The following CAPN3 variants were observed in gnomAD, a reference collection of about 807,000 sequenced individuals.
CAPN3 encodes the protein calpain 3, also known as calpain-3.
In CAPN3, 88 loss-of-function variants were observed where a neutral mutation model predicts 114.0. The ratio of observed to expected loss-of-function variants is 0.77; its 90% CI spans 0.65 to 0.92. The LOEUF is 0.92. Ranked by LOEUF, CAPN3 falls within the 40% of genes least tolerant of loss-of-function variation. The probability of loss-of-function intolerance (pLI) is 0.00; values close to 1 mark genes in which losing one functional copy is unlikely to be tolerated. For synonymous variants in CAPN3, 386 were observed against 382.9 expected (o/e 1.01, Z -0.09); for missense variants, 1,028 against 1,069.0 (o/e 0.96, Z 0.53).
intron 21 of CAPN3, 100 bp downstream of exon 21, chr15:42,410,766 GGAAA>G: frequency 7.3e-7 from 1 of 1,362,960 alleles, no homozygotes; most frequent in Admixed American, 1.7e-5. Flanking sequence ...GAAAGGAGAG[GGAAA>G]GGGCTTCTCA....
At position 42,384,500 on chromosome 15, in the gene CAPN3, C is replaced by A; in HGVS notation, c.327C>A (p.Pro109=). 1 of 1,613,770 alleles carries A rather than the reference C, an allele frequency of 6.2e-7. No homozygotes were observed. Among genetic ancestry groups the A allele is most frequent in the Non-Finnish European group, 8.5e-7 (1 of 1,179,696 alleles). ...TTTCACAGGAAATTTGCGAGAATCCCCGATTTATCATTGATGGAGCCAACA... is the reference window on the plus strand; with the variant it reads ...TTTCACAGGAAATTTGCGAGAATCCACGATTTATCATTGATGGAGCCAACA... ...WKRPPEICEN[P]RFIIDGANRT... Residue 109 remains proline (P), a synonymous_variant, in exon 2 of 24, where the codon CCC becomes CCA. Coordinates refer to ENST00000397163, the MANE Select transcript of CAPN3 (RefSeq NM_000070.3).
At chr15:42,397,236 C>G (rs766730408) in intron 9 of CAPN3, among the ~76,000 whole-genome samples, 13 of 152,236 alleles carry the variant, frequency 8.5e-5, no homozygotes, top group South Asian at 2.1e-4. Flanking sequence ...CAGGTTGTTT[C>G]TATTCAGGCT....
At chr15:42,408,664 T>A (rs1595844794) in intron 16 of CAPN3, 1 of 372,612 alleles carries the variant, frequency 2.7e-6, no homozygotes, top group African/African-American at 2.1e-5. Context: ...GCCTTGAGCA[T>A]TTCACAATAG....
intron 4 of CAPN3, among the ~76,000 whole-genome samples, chr15:42,388,595 C>T (rs2053466559): frequency 6.6e-6 from 1 of 152,114 alleles, no homozygotes; most frequent in South Asian, 2.1e-4. Context: ...GTGTGAGCCA[C>T]CACACCGGCA....
chr15:42,399,661 T>G lies in CAPN3; in HGVS notation c.1354+9T>G. On this transcript the variant is annotated intron_variant, in intron 10 of 23. Transcript: ENST00000397163. Reference sequence around the variant, plus strand: ...CTGCCGCAACTTCCCAGGTGGGAGATGCTCTTGATGGGGGGAGGGTCTAAG... The same window carrying G: ...CTGCCGCAACTTCCCAGGTGGGAGAGGCTCTTGATGGGGGGAGGGTCTAAG... 3 of 1,591,120 alleles carry G rather than the reference T, an allele frequency of 1.9e-6. No individual in the cohort carries two copies. Among genetic ancestry groups the G allele is most frequent in the Non-Finnish European group, 2.6e-6 (3 of 1,167,328 alleles).
chr15:42,390,154 C>G, intron 6 of CAPN3, 58 bp downstream of exon 6: 1 of 1,596,112 alleles, frequency 6.3e-7, no homozygotes, highest in Non-Finnish European at 8.6e-7. Flanking sequence ...TGACCCCGCC[C>G]TATTAGTGTC....
intron 14 of CAPN3, chr15:42,404,919 C>T (rs1444563074): frequency 1.0e-6 from 1 of 1,003,890 alleles, no homozygotes; most frequent in Admixed American, 5.2e-5. Flanking sequence ...TGATCAGGAC[C>T]TGCAAACCCA....
intron 14 of CAPN3, chr15:42,404,380 CA>C: frequency 2.2e-6 from 1 of 456,540 alleles, no homozygotes; most frequent in Middle Eastern, 3.3e-4. Flanking sequence ...GTACTTTTCA[CA>C]TGTGTCATCG....
chr15:42,377,125 T>TG (rs1027808189), intron 1 of CAPN3, among the ~76,000 whole-genome samples: 9 of 137,644 alleles, frequency 6.5e-5, no homozygotes, highest in African/African-American at 2.6e-4. Context: ...ATAAAGATAG[T>TG]TTTTTTTTTG....
chr15:42,402,247 T>C (rs1177496534), intron 12 of CAPN3, 112 bp downstream of exon 12: 2 of 1,603,194 alleles, frequency 1.2e-6, no homozygotes, highest in South Asian at 1.1e-5. Context: ...AGGACTGTGA[T>C]AGGAGAGGGC....
chr15:42,399,718 T>A, intron 10 of CAPN3, 66 bp downstream of exon 10: 1 of 1,302,628 alleles, frequency 7.7e-7, no homozygotes. Flanking sequence ...GAAGCCTAAC[T>A]AGTGCTTATT....
At position 42,390,025 on chromosome 15, in the gene CAPN3, A is replaced by G; in HGVS notation, c.874A>G (p.Arg292Gly). 6.2e-7 allele frequency: 1 copy of G among 1,614,066 alleles called. No homozygotes were observed. ...GGGGGAGTTGATTGCACGGATGGTA[A>G]GGAATATGGATAACTCACTGCTCCA... ...NMGELIARMVRNMDNSLLQDS... is the reference protein window; with the variant it reads ...NMGELIARMVGNMDNSLLQDS... Residue 292 changes from arginine to glycine, a missense_variant, in exon 6 of 24, where the codon AGG (arginine) becomes GGG (glycine). By Grantham distance (125) the Arg-to-Gly change is moderately radical (BLOSUM62 -2). Coordinates refer to ENST00000397163, the MANE Select transcript of CAPN3 (RefSeq NM_000070.3).
At chr15:42,407,728 A>G (rs1035614355) in intron 15 of CAPN3, among the ~76,000 whole-genome samples, 11 of 152,140 alleles carry the variant, frequency 7.2e-5, no homozygotes, top group African/African-American at 1.7e-4. Flanking sequence ...TCCTTTTTCA[A>G]TCTATACTTT....
chr15:42,404,515 TTGGAA>T (rs2053965378), intron 14 of CAPN3: 1 of 452,806 alleles, frequency 2.2e-6, no homozygotes, highest in African/African-American at 2.0e-5. Context: ...AGTGGCAGGG[TTGGAA>T]CTCACATTCA....
intron 8 of CAPN3, among the ~76,000 whole-genome samples, chr15:42,396,473 C>T (rs1487242648): frequency 6.6e-6 from 1 of 152,124 alleles, no homozygotes; most frequent in African/African-American, 2.4e-5. Flanking sequence ...AAATCCTGAC[C>T]TTGTGATCCG....
At chr15:42,401,449 CA>C (rs2053858701) in intron 10 of CAPN3, among the ~76,000 whole-genome samples, 191 bp from the exon 11 acceptor site, 2 of 139,506 alleles carry the variant, frequency 1.4e-5, no homozygotes, top group African/African-American at 5.3e-5. Context: ...ACAATCAGTA[CA>C]GCTCCATCTG....
rs749300260 is a variant in CAPN3, at chr15:42,385,716, C to T, written c.380-451C>T. On this transcript the variant is annotated intron_variant, in intron 2 of 23. Transcript: ENST00000397163. ...GCAGCTGCCTACCTGGCCTTCCTTC[C>T]AATACAAATCATCTTGGTGGATGGT... is the stretch of plus-strand genomic sequence containing the variant. The T allele has an allele frequency of 9.6e-6, 5 of 520,970 alleles. No individual in the cohort carries two copies. In the Admixed American group the frequency reaches 9.7e-5, roughly 10 times the overall value. The allele number at this position is 520,970 out of a possible 1,614,324, so 32.3% of individuals were successfully genotyped here. A position where few individuals can be genotyped will look rare whatever the true frequency, so the allele number is the denominator to read the frequency against.
At chr15:42,392,613 T>C in intron 6 of CAPN3, 26 bp from the exon 7 acceptor site, 1 of 1,585,980 alleles carries the variant, frequency 6.3e-7, no homozygotes, top group South Asian at 1.1e-5. Flanking sequence ...CCGCCCCTAA[T>C]GGGTTCTCTG....
intron 2 of CAPN3, 95 bp from the exon 3 acceptor site, chr15:42,386,072 C>T (rs1248047666): frequency 3.5e-6 from 3 of 866,808 alleles, no homozygotes; most frequent in Middle Eastern, 2.5e-4. Context: ...AGGGAGTCCC[C>T]GTTCAGGGAA....
Sources: gnomAD v4.1 joint callset for allele counts (sites outside exome capture counted in the v4.1 genomes callset) on GRCh38, gnomAD v4.1.1 for gene constraint, MANE v1.5 for transcripts, NCBI Gene and HGNC (gene_info 2026-07-23, HGNC 2026-07-21) for gene names.